ANKRD30BL: variants seen among roughly 807,000 people sequenced by gnomAD.
The protein encoded by ANKRD30BL is ankyrin repeat domain 30B like.
A neutral mutation model predicts 18.4 loss-of-function variants in ANKRD30BL; 20 were observed. The observed-to-expected ratio is 1.09, with a 90% CI of 0.77 to 1.58. The LOEUF is 1.58. ANKRD30BL is among the 40% of genes most tolerant of loss of function. The pLI, the probability that ANKRD30BL is intolerant of heterozygous loss-of-function variation, is 0.00. For synonymous variants in ANKRD30BL, 72 were observed against 100.9 expected, an observed-to-expected ratio of 0.71 and a Z score of 1.72; for missense variants, 224 against 268.6, an observed-to-expected ratio of 0.83 and a Z score of 1.16.
chr2:132,230,581 T>G lies in ANKRD30BL; in HGVS notation n.441+26948A>C, dbSNP rs576623862. 2.2e-3 allele frequency among the ~76,000 whole-genome samples: 328 copies of G among 152,050 alleles called. 1 individual carries two copies. The highest frequency in any genetic ancestry group is 7.4e-3 in the African/African-American group (309 of 41,490). ...TCATGGAGCAGTTTTGAAGCACTGT[T>G]TTTGGACAATCTGCAAGTGGATATT... On this transcript the variant is annotated intron_variant and non_coding_transcript_variant, in intron 1 of 4. Transcript: ENST00000470729.
At chr2:132,220,733 G>A (rs1420722960) in intron 1 of ANKRD30BL, among the ~76,000 whole-genome samples, 28 of 151,950 alleles carry the variant, frequency 1.8e-4, no homozygotes, top group African/African-American at 5.3e-4. Context: ...CCTCCCAGCC[G>A]CCTGCCTTGA....
intron 1 of ANKRD30BL, among the ~76,000 whole-genome samples, chr2:132,242,961 C>T (rs941812418): frequency 2.0e-5 from 3 of 151,256 alleles, no homozygotes; most frequent in African/African-American, 7.3e-5. Context: ...TAAATCTTTC[C>T]TTTGGTACAG....
At chr2:132,254,334 C>A (rs79834064) in intron 1 of ANKRD30BL, among the ~76,000 whole-genome samples, 1 of 152,224 alleles carries the variant, frequency 6.6e-6, no homozygotes, top group South Asian at 2.1e-4. Context: ...TCCGTGGCTT[C>A]GCTCTTCTCT....
At chr2:132,164,849 A>G (rs966259074), upstream of ANKRD30BL, among the ~76,000 whole-genome samples, 1 of 152,134 alleles carries the variant, frequency 6.6e-6, no homozygotes, top group African/African-American at 2.4e-5. Context: ...AGGCGGGCAG[A>G]TCACGAGGTC....
At chr2:132,161,980 A>G (rs1053362647), upstream of ANKRD30BL, 1 of 352,666 alleles carries the variant, frequency 2.8e-6, no homozygotes, top group South Asian at 4.1e-5. Flanking sequence ...AACTCAGCAG[A>G]CCTGGGAGAC....
At chr2:132,200,469 C>A (rs549273009) in intron 1 of ANKRD30BL, among the ~76,000 whole-genome samples, 1 of 151,992 alleles carries the variant, frequency 6.6e-6, no homozygotes, top group African/African-American at 2.4e-5. Flanking sequence ...AATCAATGTA[C>A]AAAAATCACA....
chr2:132,205,494 G>A (rs4444597), intron 1 of ANKRD30BL, among the ~76,000 whole-genome samples: 5 of 151,834 alleles, frequency 3.3e-5, no homozygotes, highest in East Asian at 1.9e-4. Flanking sequence ...GCAGCTACTC[G>A]GGAGGCTGAG....
chr2:132,229,064 G>C (rs1277867595), intron 1 of ANKRD30BL, among the ~76,000 whole-genome samples: 1 of 152,012 alleles, frequency 6.6e-6, no homozygotes, highest in African/African-American at 2.4e-5. Context: ...TAATCTCTAA[G>C]TGGACATTTG....
chr2:132,240,259 T>A (rs1337846779), intron 1 of ANKRD30BL, among the ~76,000 whole-genome samples: 7 of 151,858 alleles, frequency 4.6e-5, no homozygotes, highest in African/African-American at 1.7e-4. Flanking sequence ...AACACTCTTC[T>A]TGTAGAATTT....
intron 1 of ANKRD30BL, among the ~76,000 whole-genome samples, chr2:132,180,678 C>T (rs1688445121): frequency 1.3e-5 from 2 of 151,646 alleles, no homozygotes; most frequent in Admixed American, 6.6e-5. Context: ...GATCACATAA[C>T]AAGAAAAGAG....
rs1191115180 is a variant in ANKRD30BL, at chr2:132,221,583, G to C, written n.441+35946C>G. Among the ~76,000 whole-genome samples the C allele has an allele frequency of 3.7e-5, 5 of 134,032 alleles. 1 individual carries two copies. Among genetic ancestry groups the C allele is most frequent in the African/African-American group, 1.3e-4 (4 of 31,942 alleles). The allele number at this position is 134,032 out of a possible 152,430, so 87.9% of individuals were successfully genotyped here. A position where few individuals can be genotyped will look rare whatever the true frequency, so the allele number is the denominator to read the frequency against. ...CCCCGCCCGGCCAGCCGCCCAGTCT[G>C]GGAGGGAGGTGGGGGGATCAGCCCC... On this transcript the variant is annotated intron_variant and non_coding_transcript_variant, in intron 1 of 4. Transcript: ENST00000470729.
At chr2:132,209,154 G>T (rs1424787582) in intron 1 of ANKRD30BL, among the ~76,000 whole-genome samples, 1 of 151,882 alleles carries the variant, frequency 6.6e-6, no homozygotes, top group Non-Finnish European at 1.5e-5. Context: ...GTGCTTTGGG[G>T]CCTATGGTGG....
rs530596898 is a variant in ANKRD30BL at position 132,183,157 on chromosome 2, G to C, written n.442-26011C>G. ...AGTAGCTTTTTTTTTTTTTTTGAGA[G>C]TCTTGCTCTGTCACCCAGGCTGGAG... On this transcript the variant is annotated intron_variant and non_coding_transcript_variant, in intron 1 of 4. Transcript: ENST00000470729. Among the ~76,000 whole-genome samples the C allele has an allele frequency of 6.7e-3, 967 of 144,902 alleles. 14 individuals carry two copies. The highest frequency in any genetic ancestry group is 7.7e-3 in the Non-Finnish European group (515 of 66,972).
At chr2:132,244,979 G>A (rs79213329) in intron 1 of ANKRD30BL, among the ~76,000 whole-genome samples, 89 of 610 alleles carry the variant, frequency 0.15, no homozygotes, top group Middle Eastern at 0.5. Flanking sequence ...TTTGTGATGT[G>A]TGAACTCAAC....
intron 1 of ANKRD30BL, among the ~76,000 whole-genome samples, chr2:132,171,154 C>CA (rs34972551): frequency 0.45 from 54,631 of 120,300 alleles, 12,560 homozygotes; most frequent in African/African-American, 0.64. Context: ...GACTCTGTCT[C>CA]AAAAAAAAAA....
intron 1 of ANKRD30BL, among the ~76,000 whole-genome samples, chr2:132,235,870 C>T (rs975295885): frequency 1.2e-4 from 19 of 152,124 alleles, no homozygotes; most frequent in Middle Eastern, 3.4e-3. Flanking sequence ...AAAAAGAGCC[C>T]GCATCACCAA....
chr2:132,181,385 A>C (rs13386736), intron 1 of ANKRD30BL, among the ~76,000 whole-genome samples: 61,495 of 151,404 alleles, frequency 0.41, 12,805 homozygotes, highest in South Asian at 0.56. Flanking sequence ...GAGCATGAGA[A>C]TCACTTGAAC....
chr2:132,169,611 C>T (rs1379605631), intron 1 of ANKRD30BL, among the ~76,000 whole-genome samples: 3 of 142,514 alleles, frequency 2.1e-5, no homozygotes, highest in African/African-American at 7.9e-5. Flanking sequence ...CGCACCACTG[C>T]ACTCCAGCCT....
intron 1 of ANKRD30BL, among the ~76,000 whole-genome samples, chr2:132,239,289 G>A (rs1443350595): frequency 6.6e-6 from 1 of 151,930 alleles, no homozygotes; most frequent in Non-Finnish European, 1.5e-5. Context: ...CGTTGGAAAC[G>A]GGAATATCTT....
Sources: allele counts gnomAD v4.1 joint callset (sites outside exome capture counted in the v4.1 genomes callset), GRCh38; gene constraint gnomAD v4.1.1; transcripts MANE v1.5; gene names NCBI Gene and HGNC (gene_info 2026-07-23, HGNC 2026-07-21).